The following PLCL1 variants were observed in gnomAD, a reference collection of about 807,000 sequenced individuals.
PLCL1 encodes the protein phospholipase C like 1 (inactive), also known as inactive phospholipase C-like protein 1.
Under a neutral mutation model 84.4 loss-of-function variants are expected in PLCL1, and 41 were observed. That is an observed-to-expected ratio of 0.49 (90% CI 0.38 to 0.63). The LOEUF (loss-of-function observed/expected upper bound fraction) is 0.63, where lower values mean the gene tolerates loss of function less well. PLCL1 is among the 30% of genes least tolerant of loss of function. The pLI, the probability that PLCL1 is intolerant of heterozygous loss-of-function variation, is 0.00. For synonymous variants in PLCL1, 490 were observed against 488.3 expected (o/e 1.00, Z -0.05); for missense variants, 1,206 against 1,367.8 (o/e 0.88, Z 1.87).
At chr2:198,043,179 A>T (rs1691705555) in intron 1 of PLCL1, among the ~76,000 whole-genome samples, 1 of 152,234 alleles carries the variant, frequency 6.6e-6, no homozygotes, top group South Asian at 2.1e-4. Flanking sequence ...GATGGTTTTA[A>T]AAACAGTGAA....
intron 5 of PLCL1, among the ~76,000 whole-genome samples, chr2:198,112,530 C>T (rs1693647129): frequency 6.6e-6 from 1 of 151,836 alleles, no homozygotes; most frequent in South Asian, 2.1e-4. Flanking sequence ...CCTCATGCCC[C>T]CTCCTCCACA....
intron 1 of PLCL1, among the ~76,000 whole-genome samples, chr2:197,816,927 A>G (rs1427816628): frequency 6.6e-6 from 1 of 152,126 alleles, no homozygotes; most frequent in Non-Finnish European, 1.5e-5. Context: ...GGGAAATTCA[A>G]ATATATGATT....
chr2:197,805,698 A>G lies in PLCL1; in HGVS notation c.240+359A>G, dbSNP rs1224554722. ...CCGGATGGTTGTGCATTGCTTTCCA[A>G]TGAAGGGTTAGCTTTTCCCATACAA... On this transcript the variant is annotated intron_variant, in intron 1 of 5. Coordinates refer to ENST00000428675, the MANE Select transcript of PLCL1 (RefSeq NM_006226.4). This position sits in a 1 kb window ranked among gnomAD's most constrained non-coding sequence, Gnocchi z 4.0. Among the ~76,000 whole-genome samples, 1 of 152,208 alleles carries G rather than the reference A, an allele frequency of 6.6e-6. No individual in the cohort carries two copies. The highest frequency in any genetic ancestry group is 1.5e-5 in the Non-Finnish European group (1 of 68,038).
At chr2:197,970,756 A>T (rs1689847894) in intron 1 of PLCL1, among the ~76,000 whole-genome samples, 1 of 152,178 alleles carries the variant, frequency 6.6e-6, no homozygotes, top group African/African-American at 2.4e-5. Flanking sequence ...TTTTTCCCCC[A>T]CAACATCCAA....
chr2:197,876,172 C>A (rs1687728806), intron 1 of PLCL1, among the ~76,000 whole-genome samples: 1 of 152,136 alleles, frequency 6.6e-6, no homozygotes, highest in Non-Finnish European at 1.5e-5. Flanking sequence ...CGTTTCTGAG[C>A]ATTGGGTATT....
intron 1 of PLCL1, among the ~76,000 whole-genome samples, chr2:198,018,067 G>A (rs917305014): frequency 5.9e-5 from 9 of 152,318 alleles, no homozygotes; most frequent in African/African-American, 2.2e-4. Context: ...GACAGTGGGT[G>A]CAGCCCATGG....
At chr2:198,069,491 A>T (rs1383509342) in intron 1 of PLCL1, among the ~76,000 whole-genome samples, 1 of 152,158 alleles carries the variant, frequency 6.6e-6, no homozygotes, top group African/African-American at 2.4e-5. Flanking sequence ...CCTGACCAAA[A>T]TAAAAAATAT....
At chr2:197,808,995 G>A (rs1226074520) in intron 1 of PLCL1, among the ~76,000 whole-genome samples, 1 of 152,156 alleles carries the variant, frequency 6.6e-6, no homozygotes, top group African/African-American at 2.4e-5. Flanking sequence ...CTACTTGGGT[G>A]TTGTTCATGT....
Position 197,805,457 on chromosome 2 carries a change from C to T in PLCL1, c.240+118C>T. ...GCTCAGCATTGTTTTCTCCCACCTC[C>T]TTCAACGCCAAACCTTCCTTCCTTA... On this transcript the variant is annotated intron_variant, in intron 1 of 5. Coordinates refer to ENST00000428675, the MANE Select transcript of PLCL1 (RefSeq NM_006226.4). The surrounding 1 kb of genome is among the most constrained non-coding windows in gnomAD (Gnocchi z 4.0). 1.1e-6 allele frequency: 1 copy of T among 949,808 alleles called. No homozygotes were observed. Among genetic ancestry groups the T allele is most frequent in the Non-Finnish European group, 1.4e-6 (1 of 726,840 alleles). The allele number at this position is 949,808 out of a possible 1,614,324, so 58.8% of individuals were successfully genotyped here.
intron 1 of PLCL1, among the ~76,000 whole-genome samples, chr2:197,917,198 T>A (rs761027220): frequency 5.3e-5 from 8 of 152,200 alleles, no homozygotes; most frequent in Non-Finnish European, 8.8e-5. Flanking sequence ...AAAACCTACA[T>A]GTGAATGTTT....
At chr2:198,112,988 AT>A (rs1693656900) in intron 5 of PLCL1, among the ~76,000 whole-genome samples, 1 of 151,930 alleles carries the variant, frequency 6.6e-6, no homozygotes, top group African/African-American at 2.4e-5. Flanking sequence ...CAGTACCATT[AT>A]TTTTATACAC....
At chr2:197,955,222 A>G (rs1689462445) in intron 1 of PLCL1, among the ~76,000 whole-genome samples, 1 of 151,936 alleles carries the variant, frequency 6.6e-6, no homozygotes, top group Non-Finnish European at 1.5e-5. Context: ...CATCAGATAG[A>G]TCAAACCCAG....
At position 198,126,798 on chromosome 2, in the gene PLCL1, G is replaced by A. The variant is rs190579216; in HGVS notation, c.3106-19982G>A. 4.7e-4 allele frequency among the ~76,000 whole-genome samples: 72 copies of A among 152,212 alleles called. No homozygotes were observed. The East Asian group carries it at 6.2e-3, about 13-fold the overall frequency. Reference sequence around the variant, plus strand: ...CACATATCTATAGTCTCAGCTTCTTGGGAGGCTGAGGAGAGAGTCGCTTGA... The same window carrying A: ...CACATATCTATAGTCTCAGCTTCTTAGGAGGCTGAGGAGAGAGTCGCTTGA... On this transcript the variant is annotated intron_variant, in intron 5 of 5. Coordinates refer to ENST00000428675, the MANE Select transcript of PLCL1 (RefSeq NM_006226.4).
intron 1 of PLCL1, among the ~76,000 whole-genome samples, chr2:198,010,804 T>A (rs1025249717): frequency 6.6e-6 from 1 of 151,694 alleles, no homozygotes; most frequent in African/African-American, 2.4e-5. Context: ...GAAGGTTATT[T>A]TTTTTTTTTA....
chr2:198,143,272 T>A (rs1478294988), intron 5 of PLCL1, among the ~76,000 whole-genome samples: 1 of 152,136 alleles, frequency 6.6e-6, no homozygotes, highest in Non-Finnish European at 1.5e-5. Flanking sequence ...GCAGGCTCAG[T>A]TCACAATAGG....
At chr2:198,059,563 G>A (rs1052501795) in intron 1 of PLCL1, among the ~76,000 whole-genome samples, 21 of 152,246 alleles carry the variant, frequency 1.4e-4, no homozygotes, top group African/African-American at 4.3e-4. Flanking sequence ...AGAAGAGACC[G>A]CGAGGAGCCT....
intron 1 of PLCL1, among the ~76,000 whole-genome samples, chr2:198,080,640 C>T (rs945501793): frequency 6.6e-6 from 1 of 152,208 alleles, no homozygotes; most frequent in African/African-American, 2.4e-5. Context: ...AAATATCAGA[C>T]AACTGAACCT....
At chr2:198,001,758 A>C (rs992237695) in intron 1 of PLCL1, among the ~76,000 whole-genome samples, 1 of 152,134 alleles carries the variant, frequency 6.6e-6, no homozygotes, top group Non-Finnish European at 1.5e-5. Context: ...GCTAAGCTTC[A>C]TCTGTATTTA....
chr2:197,862,812 TG>T (rs1687456645), intron 1 of PLCL1, among the ~76,000 whole-genome samples: 1 of 152,104 alleles, frequency 6.6e-6, no homozygotes. Flanking sequence ...TGGAATACCT[TG>T]ATTGTCTCAG....
Sources: allele counts gnomAD v4.1 joint callset (sites outside exome capture counted in the v4.1 genomes callset), GRCh38; gene constraint gnomAD v4.1.1; non-coding constraint Gnocchi (gnomAD v3.1); transcripts MANE v1.5; gene names NCBI Gene and HGNC (gene_info 2026-07-23, HGNC 2026-07-21).